Variants in STN1 observed in about 807,000 individuals in gnomAD.
The protein encoded by STN1 is CST complex subunit STN1.
Under a neutral mutation model 45.5 loss-of-function variants are expected in STN1, and 29 were observed. The observed-to-expected ratio is 0.64, with a 90% CI of 0.47 to 0.87. The LOEUF is 0.87. Among genes scored for constraint, STN1 ranks in the 40% least tolerant of loss-of-function variants. STN1 has a pLI of 0.00. For missense variants in STN1, 376 were observed against 441.4 expected (o/e 0.85, Z 1.33); for synonymous variants, 148 against 159.0 (o/e 0.93, Z 0.52).
rs1843066144 is a variant in STN1 at position 103,881,132 on chromosome 10, T to C, written c.*1552A>G. 6.6e-6 allele frequency among the ~76,000 whole-genome samples: 1 copy of C among 152,160 alleles called. No individual in the cohort carries two copies. The highest frequency in any genetic ancestry group is 2.1e-4 in the South Asian group (1 of 4,826). On this transcript the variant is annotated 3_prime_UTR_variant, in exon 10 of 10. Transcript: ENST00000224950. ...AGTATTTCATTGTGCCCAAGAACCG[T>C]AATTAACTTTTTCCCTATAGGTATT...
At chr10:103,887,831 G>A (rs1224073173) in intron 9 of STN1, among the ~76,000 whole-genome samples, 1 of 152,128 alleles carries the variant, frequency 6.6e-6, no homozygotes, top group African/African-American at 2.4e-5. Context: ...CTAGCCCTAG[G>A]GTTCAATCCA....
At chr10:103,900,451 T>G (rs773553655) in intron 4 of STN1, among the ~76,000 whole-genome samples, 2 of 152,192 alleles carry the variant, frequency 1.3e-5, no homozygotes, top group Non-Finnish European at 2.9e-5. Context: ...GAGTCTAGAC[T>G]GAGGTCCAGC....
chr10:103,899,098 G>T, intron 5 of STN1, 98 bp from the exon 6 acceptor site: 1 of 1,359,840 alleles, frequency 7.4e-7, no homozygotes, highest in Non-Finnish European at 1.0e-6. Flanking sequence ...AACAGTAAAT[G>T]AGGTGCTGGG....
intron 4 of STN1, among the ~76,000 whole-genome samples, chr10:103,900,744 T>TCA (rs1564633663): frequency 1.4e-5 from 2 of 145,366 alleles, no homozygotes; most frequent in Admixed American, 7.0e-5. Context: ...TCTCTCTCTC[T>TCA]CACACTTTCT....
rs567049075 is a variant in STN1 at position 103,878,749 on chromosome 10, C to T, written c.*3935G>A. 109 of 152,294 alleles carry T rather than the reference C, an allele frequency of 7.2e-4. No individual in the cohort carries two copies. The highest frequency in any genetic ancestry group is 2.5e-3 in the African/African-American group (105 of 41,566). 9.4% of individuals were successfully genotyped at this position (152,294 alleles called of 1,614,324 possible). On this transcript the variant is annotated 3_prime_UTR_variant, in exon 10 of 10. Coordinates refer to ENST00000224950, the MANE Select transcript of STN1 (RefSeq NM_024928.5). ...TGTCTGATGTGTATAATTATTCATC[C>T]AGCATTTCCCAAATATATTTGTGAA...
chr10:103,896,130 C>T (rs1334404755), intron 7 of STN1, among the ~76,000 whole-genome samples: 3 of 152,170 alleles, frequency 2.0e-5, no homozygotes, highest in East Asian at 3.8e-4. Context: ...CTGACCTTTA[C>T]CTTTACACTT....
At position 103,879,108 on chromosome 10, in the gene STN1, A is replaced by T. The variant is rs1313494917; in HGVS notation, c.*3576T>A. 6.6e-6 allele frequency: 1 copy of T among 152,330 alleles called. No individual in the cohort carries two copies. Among genetic ancestry groups the T allele is most frequent in the African/African-American group, 2.4e-5 (1 of 41,424 alleles). 9.4% of individuals were successfully genotyped at this position (152,330 alleles called of 1,614,324 possible). On this transcript the variant is annotated 3_prime_UTR_variant, in exon 10 of 10. Coordinates refer to ENST00000224950, the MANE Select transcript of STN1 (RefSeq NM_024928.5). Reference sequence around the variant, plus strand: ...CTTCCAGCCTGCACAGCCTACTAAGACATGTGAGAAAGCACCCCCGCAACC... The same window carrying T: ...CTTCCAGCCTGCACAGCCTACTAAGTCATGTGAGAAAGCACCCCCGCAACC...
intron 2 of STN1, among the ~76,000 whole-genome samples, chr10:103,914,368 A>ATT (rs1564636176): frequency 1.3e-4 from 2 of 15,428 alleles, no homozygotes; most frequent in African/African-American, 2.5e-4. Context: ...ATATATATAT[A>ATT]TATATATTTT....
At chr10:103,912,899 G>A (rs1048827167) in intron 2 of STN1, among the ~76,000 whole-genome samples, 1 of 152,226 alleles carries the variant, frequency 6.6e-6, no homozygotes, top group African/African-American at 2.4e-5. Flanking sequence ...CACAGGGTCT[G>A]TTGTGGCCCA....
chr10:103,883,977 CTACTTGG>C (rs1843087675), intron 9 of STN1, among the ~76,000 whole-genome samples: 1 of 149,776 alleles, frequency 6.7e-6, no homozygotes, highest in African/African-American at 2.5e-5. Flanking sequence ...GTAATCCTAG[CTACTTGG>C]GAGGTTGAGG....
intron 8 of STN1, among the ~76,000 whole-genome samples, chr10:103,890,560 G>C (rs1843133594): frequency 6.6e-6 from 1 of 152,202 alleles, no homozygotes; most frequent in Non-Finnish European, 1.5e-5. Context: ...GGGAGGAAAG[G>C]TGTGTCCCAG....
At chr10:103,889,923 C>T (rs1168960362) in intron 8 of STN1, among the ~76,000 whole-genome samples, 4 of 152,018 alleles carry the variant, frequency 2.6e-5, no homozygotes, top group Admixed American at 2.6e-4. Flanking sequence ...AGGCTGGTCT[C>T]GAATGCCTGA....
In STN1 at chr10:103,882,116, G is replaced by A. The variant is rs2134353642; in HGVS notation, c.*568C>T. ...TTTATTCCCATCTCTGGGCAGGCCT[G>A]TAAAGAGCATCGACCCAGGTCTCAA... is the stretch of plus-strand genomic sequence containing the variant. On this transcript the variant is annotated 3_prime_UTR_variant, in exon 10 of 10. Transcript: ENST00000224950. 2.0e-5 allele frequency among the ~76,000 whole-genome samples: 3 copies of A among 152,338 alleles called. 1 individual carries two copies. Among genetic ancestry groups the A allele is most frequent in the Admixed American group, 2.0e-4 (3 of 15,306 alleles).
chr10:103,914,299 A>G (rs1843309874), intron 2 of STN1, among the ~76,000 whole-genome samples: 1 of 148,478 alleles, frequency 6.7e-6, no homozygotes, highest in African/African-American at 2.5e-5. Flanking sequence ...AACAATAAAT[A>G]CGACTTCTGT....
intron 2 of STN1, among the ~76,000 whole-genome samples, chr10:103,912,019 T>G (rs1244482469): frequency 6.6e-6 from 1 of 152,084 alleles, no homozygotes; most frequent in Non-Finnish European, 1.5e-5. Flanking sequence ...AGAGGCACGC[T>G]TCAAGAGATA....
At chr10:103,897,440 C>T (rs1429642896) in intron 7 of STN1, 108 bp downstream of exon 7, 1 of 989,552 alleles carries the variant, frequency 1.0e-6, no homozygotes. Flanking sequence ...CCCTCCGTTC[C>T]CTGGGTCAAC....
At position 103,914,359 on chromosome 10, in the gene STN1, TATATATATATATATA is replaced by T. The variant is rs1207668205; in HGVS notation, c.133+3088_133+3102del. 4.9e-3 allele frequency among the ~76,000 whole-genome samples: 209 copies of T among 42,480 alleles called. 6 individuals carry two copies. Among genetic ancestry groups the T allele is most frequent in the South Asian group, 0.017 (18 of 1,078 alleles). 27.9% of individuals were successfully genotyped at this position (42,480 alleles called of 152,430 possible). A position where few individuals can be genotyped will look rare whatever the true frequency, so the allele number is the denominator to read the frequency against. On this transcript the variant is annotated intron_variant, in intron 2 of 9. Transcript: ENST00000224950. ...ACATATATATATATATATATATATA[TATATATATATATATA>T]TTTTTTTTTTTTTTTTTTGAGACAG...
rs1169816866 is a variant in STN1, at chr10:103,880,890, T to C, written c.*1794A>G. Reference sequence around the variant, plus strand: ...GAGTGGTCGACTGTGTGTGTGTATATATATATATATGTACATGTGCTACAT... The same window carrying C: ...GAGTGGTCGACTGTGTGTGTGTATACATATATATATGTACATGTGCTACAT... On this transcript the variant is annotated 3_prime_UTR_variant, in exon 10 of 10. Coordinates refer to ENST00000224950, the MANE Select transcript of STN1 (RefSeq NM_024928.5). Among the ~76,000 whole-genome samples, 1 of 152,104 alleles carries C rather than the reference T, an allele frequency of 6.6e-6. No individual in the cohort carries two copies. The highest frequency in any genetic ancestry group is 6.5e-5 in the Admixed American group (1 of 15,272).
At chr10:103,889,265 T>C (rs1162045833) in intron 8 of STN1, 121 bp from the exon 9 acceptor site, 5 of 657,230 alleles carry the variant, frequency 7.6e-6, no homozygotes, top group Non-Finnish European at 1.1e-5. Context: ...TCATCTTCCC[T>C]ACACCATTAA....
Sources: gnomAD v4.1 joint callset for allele counts (sites outside exome capture counted in the v4.1 genomes callset) on GRCh38, gnomAD v4.1.1 for gene constraint, MANE v1.5 for transcripts, NCBI Gene and HGNC (gene_info 2026-07-23, HGNC 2026-07-21) for gene names.